SNAPC4: variants seen among roughly 807,000 people sequenced by gnomAD.
The protein encoded by SNAPC4 is snRNA-activating protein complex subunit 4.
Under a neutral mutation model 151.3 loss-of-function variants are expected in SNAPC4, and 127 were observed. That is an observed-to-expected ratio of 0.84 (90% CI 0.73 to 0.97). The LOEUF is 0.97. Among genes scored for constraint, SNAPC4 ranks in the 50% least tolerant of loss-of-function variants. SNAPC4 has a pLI of 0.00. For missense variants in SNAPC4, 2,186 were observed against 1,935.0 expected (o/e 1.13, Z -2.43); for synonymous variants, 1,002 against 824.4 (o/e 1.22, Z -3.69).
chr9:136,379,294 GGT>G lies in SNAPC4; in HGVS notation c.2531_2532del (p.His844ProfsTer195). The G allele has an allele frequency of 6.2e-7, 1 of 1,612,608 alleles. No homozygotes were observed. Among genetic ancestry groups the G allele is most frequent in the Non-Finnish European group, 8.5e-7 (1 of 1,179,958 alleles). On this transcript the variant is annotated frameshift_variant, in exon 22 of 24. Coordinates refer to ENST00000684778, the MANE Select transcript of SNAPC4 (RefSeq NM_003086.4). LOFTEE classifies it high-confidence loss of function. The stretch of plus-strand genomic sequence containing the variant: ...TCTTGAGCCGGCACGTTTGGGAAGA[GGT>G]GGCCTGTGGGGAGGAAAGACCCACA... The part of the protein sequence containing the change: ...ASSSAQSTPG[H>X]LFPNVPAQEA...
chr9:136,376,524 G>A lies in SNAPC4; in HGVS notation c.4285-43C>T, dbSNP rs117761668. 1.4e-3 allele frequency: 2,322 copies of A among 1,607,500 alleles called. 37 individuals carry two copies. In the East Asian group the frequency reaches 0.038, roughly 26 times the overall value. On this transcript the variant is annotated intron_variant, in intron 22 of 23. Transcript: ENST00000684778. ...CAGTGGGGACAAGAGTGACACCCCCGAGCCATGATGGACGGGGAAGGGACG... is the reference window on the plus strand; with the variant it reads ...CAGTGGGGACAAGAGTGACACCCCCAAGCCATGATGGACGGGGAAGGGACG...
chr9:136,389,998 C>A (rs1834013207), intron 10 of SNAPC4, among the ~76,000 whole-genome samples: 1 of 152,108 alleles, frequency 6.6e-6, no homozygotes, highest in African/African-American at 2.4e-5. Flanking sequence ...GGAGAAAAAG[C>A]CATTAATGGA....
At position 136,376,350 on chromosome 9, in the gene SNAPC4, T is replaced by C. The variant is rs367830451; in HGVS notation, c.*6A>G. ...GTGGCCTCCCCACTCAGGACTCACCTGCTGCTCACACCAGCCGCCTCCGCT... is the reference window on the plus strand; with the variant it reads ...GTGGCCTCCCCACTCAGGACTCACCCGCTGCTCACACCAGCCGCCTCCGCT... On this transcript the variant is annotated splice_region_variant and 3_prime_UTR_variant, in exon 23 of 24. Coordinates refer to ENST00000684778, the MANE Select transcript of SNAPC4 (RefSeq NM_003086.4). The C allele has an allele frequency of 1.9e-6, 3 of 1,612,882 alleles. No homozygotes were observed. The African/African-American group carries it at 4.0e-5, about 22-fold the overall frequency.
intron 13 of SNAPC4, 128 bp from the exon 14 acceptor site, chr9:136,384,942 A>G (rs993963728): frequency 1.9e-6 from 1 of 538,858 alleles, no homozygotes; most frequent in African/African-American, 2.0e-5. Flanking sequence ...AACTACAGAT[A>G]AAGTAGACTT....
At position 136,394,236 on chromosome 9, in the gene SNAPC4, GT is replaced by G; in HGVS notation, c.632+12del. 6.2e-7 allele frequency: 1 copy of G among 1,607,938 alleles called. No homozygotes were observed. The highest frequency in any genetic ancestry group is 8.5e-7 in the Non-Finnish European group (1 of 1,174,614). On this transcript the variant is annotated intron_variant, in intron 7 of 23. Coordinates refer to ENST00000684778, the MANE Select transcript of SNAPC4 (RefSeq NM_003086.4). The stretch of plus-strand genomic sequence containing the variant: ...GCCTGAAGACCGTTTTTGACTTATG[GT>G]TTTAGACTTACTTCAGTAACTTGGG...
chr9:136,399,368 T>C lies in SNAPC4; in HGVS notation c.-10+766A>G, dbSNP rs1180431375. On this transcript the variant is annotated intron_variant, in intron 1 of 23. Transcript: ENST00000684778. ...AGCCCCTTGTTTATGCCCGAAATGC[T>C]TGTGAACCTGTAAACTCAGTTAACA... Among the ~76,000 whole-genome samples, 3 of 152,272 alleles carry C rather than the reference T, an allele frequency of 2.0e-5. No individual in the cohort carries two copies. The East Asian group carries it at 5.8e-4, about 29-fold the overall frequency.
chr9:136,392,803 G>A (rs1332644051), intron 7 of SNAPC4, 26 bp from the exon 8 acceptor site: 4 of 1,600,366 alleles, frequency 2.5e-6, no homozygotes, highest in Admixed American at 3.3e-5. Context: ...GAGGCAGAAG[G>A]GCTGGGGCAC....
intron 7 of SNAPC4, among the ~76,000 whole-genome samples, chr9:136,393,976 G>T (rs567588774): frequency 8.5e-5 from 13 of 152,344 alleles, no homozygotes; most frequent in African/African-American, 3.1e-4. Flanking sequence ...GGAACGCAGT[G>T]GTACAATCAT....
chr9:136,378,017 G>C lies in SNAPC4; in HGVS notation c.3810C>G (p.Asp1270Glu), dbSNP rs1384478429. ...PQPGPEKGAL[D>E]LGLLSQEGEA... Reference sequence around the variant, plus strand: ...CGCCCTCCTGGGACAGCAGGCCCAGGTCCAGGGCCCCCTTCTCAGGCCCAG... The same window carrying C: ...CGCCCTCCTGGGACAGCAGGCCCAGCTCCAGGGCCCCCTTCTCAGGCCCAG... Residue 1270 changes from aspartate (D) to glutamate (E), a missense_variant, in exon 22 of 24, where the codon GAC (aspartate) becomes GAG (glutamate). Physicochemically the swap from Asp to Glu is conservative, Grantham distance 45. Coordinates refer to ENST00000684778, the MANE Select transcript of SNAPC4 (RefSeq NM_003086.4). 1 of 1,593,806 alleles carries C rather than the reference G, an allele frequency of 6.3e-7. No individual in the cohort carries two copies.
chr9:136,390,900 C>T (rs11788171), intron 10 of SNAPC4, among the ~76,000 whole-genome samples: 34,141 of 150,818 alleles, frequency 0.23, 4,079 homozygotes, highest in Admixed American at 0.27. Context: ...AGTGGCGCGA[C>T]GTCCGCTCAC....
In SNAPC4 at chr9:136,378,075, GC is replaced by G; in HGVS notation, c.3751del (p.Ala1251ProfsTer156). The G allele has an allele frequency of 6.3e-7, 1 of 1,579,642 alleles. No individual in the cohort carries two copies. The highest frequency in any genetic ancestry group is 8.6e-7 in the Non-Finnish European group (1 of 1,163,708). On this transcript the variant is annotated frameshift_variant, in exon 22 of 24. Coordinates refer to ENST00000684778, the MANE Select transcript of SNAPC4 (RefSeq NM_003086.4). LOFTEE classifies it high-confidence loss of function. ...PLRQPGPEKG[A>X]LDLEKPPLPQ... ...TAGGGGCGGCTTCTCCAGGTCCAGG[GC>G]CCCCTTCTCAGGCCCAGGCTGGCGC...
chr9:136,390,832 A>G (rs1049538494), intron 10 of SNAPC4, among the ~76,000 whole-genome samples: 1 of 151,500 alleles, frequency 6.6e-6, no homozygotes, highest in Non-Finnish European at 1.5e-5. Context: ...ATTTGTATTT[A>G]TTTATTTATT....
Position 136,379,129 on chromosome 9 carries a change from TCTC to T in SNAPC4, c.2695_2697del (p.Glu899del). The T allele has an allele frequency of 1.9e-6, 3 of 1,567,926 alleles. No homozygotes were observed. Among genetic ancestry groups the T allele is most frequent in the Non-Finnish European group, 2.6e-6 (3 of 1,156,940 alleles). On this transcript the variant is annotated inframe_deletion, in exon 22 of 24. Coordinates refer to ENST00000684778, the MANE Select transcript of SNAPC4 (RefSeq NM_003086.4). ...CTGGCACGGGCCTCCTGAAGCCGCTTCTCCTGAAGCAGCTCCGACACAGTCTTG... is the reference window on the plus strand; with the variant it reads ...CTGGCACGGGCCTCCTGAAGCCGCTTCTGAAGCAGCTCCGACACAGTCTTG...
chr9:136,380,015 C>T lies in SNAPC4; in HGVS notation c.2500-151G>A, dbSNP rs1833629634. 5.5e-6 allele frequency: 8 copies of T among 1,453,660 alleles called. No individual in the cohort carries two copies. In the South Asian group the frequency reaches 6.0e-5, roughly 11 times the overall value. The allele number at this position is 1,453,660 out of a possible 1,614,324, so 90.0% of individuals were successfully genotyped here. On this transcript the variant is annotated intron_variant, in intron 20 of 23. Transcript: ENST00000684778. ...GGCCTCCCACACGCCTCTGTAGGAACTCCGGGGCCACAGAAGGAGCCAAGC... is the reference window on the plus strand; with the variant it reads ...GGCCTCCCACACGCCTCTGTAGGAATTCCGGGGCCACAGAAGGAGCCAAGC...
In SNAPC4 at chr9:136,388,500, A is replaced by C; in HGVS notation, c.1067T>G (p.Met356Arg). 6.2e-6 allele frequency: 10 copies of C among 1,613,278 alleles called. No homozygotes were observed. The highest frequency in any genetic ancestry group is 4.2e-6 in the Non-Finnish European group (5 of 1,179,694). ...RKEWTEEEDR[M>R]LTQLVQEMRV... ...CATCTCCTGCACCAGCTGCGTGAGC[A>C]TGCGGTCCTCCTCCTCTGTCCACTC... Residue 356 changes from methionine (M) to arginine (R), a missense_variant, in exon 11 of 24, where the codon ATG becomes AGG. Coordinates refer to ENST00000684778, the MANE Select transcript of SNAPC4 (RefSeq NM_003086.4).
intron 20 of SNAPC4, among the ~76,000 whole-genome samples, chr9:136,380,167 T>G (rs570436364): frequency 3.0e-4 from 46 of 152,192 alleles, no homozygotes; most frequent in African/African-American, 1.1e-3. Context: ...ACCCCTTGGG[T>G]AGGGGACGTT....
chr9:136,379,738 G>A, intron 21 of SNAPC4, 99 bp downstream of exon 21: 1 of 1,110,088 alleles, frequency 9.0e-7, no homozygotes, highest in Non-Finnish European at 1.4e-6. Flanking sequence ...AGGCTGTGCT[G>A]CTTGGGGGCT....
intron 11 of SNAPC4, 47 bp downstream of exon 11, chr9:136,388,397 T>C (rs1833961389): frequency 1.3e-6 from 2 of 1,594,792 alleles, no homozygotes; most frequent in African/African-American, 1.3e-5. Flanking sequence ...TGTCCTGATA[T>C]GGGGCCCTGT....
intron 3 of SNAPC4, among the ~76,000 whole-genome samples, chr9:136,396,747 C>T (rs1834287578): frequency 6.6e-6 from 1 of 152,220 alleles, no homozygotes; most frequent in Non-Finnish European, 1.5e-5. Context: ...AGGCATACAG[C>T]AATGAGCTCA....
Sources: allele counts gnomAD v4.1 joint callset (sites outside exome capture counted in the v4.1 genomes callset), GRCh38; gene constraint gnomAD v4.1.1; transcripts MANE v1.5; gene names NCBI Gene and HGNC (gene_info 2026-07-23, HGNC 2026-07-21).